Variants in DACH2 observed in about 807,000 individuals in gnomAD.
DACH2 encodes dachshund homolog 2.
DACH2 carries 17 observed loss-of-function variants against 35.8 expected under a neutral mutation model. The observed-to-expected ratio is 0.48, with a 90% CI of 0.33 to 0.71. The LOEUF is 0.71. Ranked by LOEUF, DACH2 falls within the 30% of genes least tolerant of loss-of-function variation. DACH2 has a pLI of 0.02. For synonymous variants in DACH2, 195 were observed against 177.3 expected (o/e 1.10, Z -0.79); for missense variants, 469 against 472.7 (o/e 0.99, Z 0.07).
intron 2 of DACH2, among the ~76,000 whole-genome samples, chrX:86,475,214 G>A (rs974425139): frequency 2.7e-5 from 3 of 111,104 alleles, no homozygotes; most frequent in African/African-American, 9.8e-5. Flanking sequence ...TTTCTGTTGA[G>A]GAATATCAAC....
At chrX:86,317,255 G>T (rs1209073371) in intron 1 of DACH2, among the ~76,000 whole-genome samples, 3 of 111,585 alleles carry the variant, frequency 2.7e-5, no homozygotes, top group Non-Finnish European at 5.6e-5. Context: ...TTGTGTTGTT[G>T]TAAGTGGGTG....
At chrX:86,830,453 G>C (rs1481404180) in intron 11 of DACH2, 1 of 111,675 alleles carries the variant, frequency 9.0e-6, no homozygotes, top group Non-Finnish European at 1.9e-5. Context: ...CTTCTTGCTA[G>C]CCTAGTTTTT....
chrX:86,524,704 T>C (rs908102910), intron 3 of DACH2, among the ~76,000 whole-genome samples: 1 of 111,606 alleles, frequency 9.0e-6, no homozygotes, highest in Non-Finnish European at 1.9e-5. Flanking sequence ...TATTTTAACT[T>C]AAAAATGTCT....
chrX:86,471,638 A>G (rs1346366024), intron 2 of DACH2, among the ~76,000 whole-genome samples: 1 of 111,349 alleles, frequency 9.0e-6, no homozygotes, highest in East Asian at 2.8e-4. Context: ...TAGAGAAGAA[A>G]TGTGTCTTTC....
intron 3 of DACH2, among the ~76,000 whole-genome samples, chrX:86,631,491 G>A (rs1466049587): frequency 8.9e-6 from 1 of 112,106 alleles, no homozygotes; most frequent in African/African-American, 3.2e-5. Context: ...CTAACACATG[G>A]TACTTGACAG....
At chrX:86,462,609 C>A (rs1002881848) in intron 2 of DACH2, among the ~76,000 whole-genome samples, 19 of 111,544 alleles carry the variant, frequency 1.7e-4, no homozygotes, top group Non-Finnish European at 3.0e-4. Flanking sequence ...AGGCTGTTTT[C>A]TATCACAATG....
chrX:86,831,789 C>T (rs913869678), intron 11 of DACH2: 32 of 94,389 alleles, frequency 3.4e-4, no homozygotes, highest in Non-Finnish European at 5.5e-4. Flanking sequence ...ATTTCAGATG[C>T]ACCATTATAT....
intron 3 of DACH2, among the ~76,000 whole-genome samples, chrX:86,582,127 A>G (rs1383886224): frequency 8.9e-6 from 1 of 111,942 alleles, no homozygotes; most frequent in African/African-American, 3.2e-5. Flanking sequence ...TGGGTTATCA[A>G]TGAAATTAAG....
intron 7 of DACH2, among the ~76,000 whole-genome samples, chrX:86,742,014 A>G (rs768715179): frequency 3.9e-4 from 43 of 111,213 alleles, no homozygotes; most frequent in African/African-American, 4.9e-4. Context: ...TAGATATATC[A>G]TAAAAGAATG....
chrX:86,689,048 C>T (rs1353401292), intron 4 of DACH2, among the ~76,000 whole-genome samples: 1 of 112,055 alleles, frequency 8.9e-6, no homozygotes, highest in Non-Finnish European at 1.9e-5. Flanking sequence ...TCTGATTAAA[C>T]TTGAAATTCC....
chrX:86,313,345 A>G (rs2034836446), intron 1 of DACH2, among the ~76,000 whole-genome samples: 1 of 111,985 alleles, frequency 8.9e-6, no homozygotes, highest in South Asian at 3.7e-4. Flanking sequence ...GGTTTCAGAT[A>G]CATAGTAAGT....
intron 4 of DACH2, among the ~76,000 whole-genome samples, chrX:86,655,810 T>C (rs1392481385): frequency 2.7e-5 from 3 of 111,061 alleles, no homozygotes; most frequent in African/African-American, 9.8e-5. Context: ...TGTGACAATA[T>C]AGAGAAAGAA....
intron 3 of DACH2, among the ~76,000 whole-genome samples, chrX:86,611,804 G>A (rs1027696475): frequency 1.8e-5 from 2 of 111,420 alleles, no homozygotes; most frequent in Admixed American, 9.5e-5. Flanking sequence ...ATGGGGCAAC[G>A]GTGGTGTCAG....
chrX:86,389,683 T>C (rs2036171087), intron 2 of DACH2, among the ~76,000 whole-genome samples: 1 of 111,911 alleles, frequency 8.9e-6, no homozygotes, highest in African/African-American at 3.2e-5. Context: ...TTCTGTTAGG[T>C]TTAGGTTATT....
intron 11 of DACH2, among the ~76,000 whole-genome samples, chrX:86,822,621 A>G (rs773647402): frequency 7.1e-5 from 8 of 111,991 alleles, no homozygotes; most frequent in Non-Finnish European, 1.5e-4. Context: ...TTAGCTAGTT[A>G]GGATATGTAA....
intron 2 of DACH2, among the ~76,000 whole-genome samples, chrX:86,495,619 G>A (rs1226829669): frequency 2.7e-5 from 3 of 109,520 alleles, no homozygotes; most frequent in Non-Finnish European, 3.8e-5. Context: ...AGACCAGCCT[G>A]GGCAACATAG....
chrX:86,771,582 A>T (rs1387940053), intron 7 of DACH2, among the ~76,000 whole-genome samples: 2 of 111,964 alleles, frequency 1.8e-5, no homozygotes, highest in Admixed American at 1.9e-4. Context: ...GTCTCACAAA[A>T]CTAGATTGCT....
chrX:86,553,925 T>C (rs888923026), intron 3 of DACH2, among the ~76,000 whole-genome samples: 1 of 111,553 alleles, frequency 9.0e-6, no homozygotes, highest in Non-Finnish European at 1.9e-5. Context: ...GTCTGAGTAC[T>C]GAGGTCAGAG....
intron 1 of DACH2, among the ~76,000 whole-genome samples, chrX:86,359,186 ATTAAT>A (rs2035697917): frequency 9.1e-6 from 1 of 109,970 alleles, no homozygotes; most frequent in African/African-American, 3.3e-5. Context: ...TACAATTAAA[ATTAAT>A]TTATATTGAT....
Sources: gnomAD v4.1 joint callset for allele counts (sites outside exome capture counted in the v4.1 genomes callset) on GRCh38, gnomAD v4.1.1 for gene constraint, MANE v1.5 for transcripts, NCBI Gene and HGNC (gene_info 2026-07-23, HGNC 2026-07-21) for gene names.